Variants in CADM1 observed in about 807,000 individuals in gnomAD.
CADM1 encodes the protein cell adhesion molecule 1.
In CADM1, 15 loss-of-function variants were observed where a neutral mutation model predicts 53.1. The observed-to-expected ratio is 0.28, with a 90% CI of 0.19 to 0.44. CADM1 has a LOEUF of 0.44. Ranked by LOEUF, CADM1 falls within the 20% of genes least tolerant of loss-of-function variation. The pLI is 1.00. For synonymous variants in CADM1, 281 were observed against 243.0 expected, an observed-to-expected ratio of 1.16 and a Z score of -1.45; for missense variants, 434 against 611.3, an observed-to-expected ratio of 0.71 and a Z score of 3.06.
chr11:115,319,516 T>G (rs1944766179), intron 1 of CADM1, among the ~76,000 whole-genome samples: 1 of 152,186 alleles, frequency 6.6e-6, no homozygotes, highest in Admixed American at 6.5e-5. Context: ...TTTGGTGATT[T>G]TGCAGGTAGA....
chr11:115,473,129 C>A (rs1949051788), intron 1 of CADM1, among the ~76,000 whole-genome samples: 1 of 152,194 alleles, frequency 6.6e-6, no homozygotes, highest in Non-Finnish European at 1.5e-5. Context: ...CTTAATTTGA[C>A]TAAGACTCCT....
chr11:115,300,762 T>G (rs759408770), intron 1 of CADM1, among the ~76,000 whole-genome samples: 1 of 152,116 alleles, frequency 6.6e-6, no homozygotes, highest in African/African-American at 2.4e-5. Flanking sequence ...CCTCATAGTT[T>G]CACCATGATC....
At chr11:115,221,350 A>G (rs1004146489) in intron 5 of CADM1, among the ~76,000 whole-genome samples, 2 of 152,224 alleles carry the variant, frequency 1.3e-5, no homozygotes, top group South Asian at 4.1e-4. Context: ...GACATTTAGC[A>G]AGACTGCTAT....
At chr11:115,428,767 C>T (rs1057143149) in intron 1 of CADM1, among the ~76,000 whole-genome samples, 2 of 74,754 alleles carry the variant, frequency 2.7e-5, no homozygotes, top group South Asian at 1.0e-3. Context: ...AAAAAACTAG[C>T]AGTGTGTGTG....
intron 8 of CADM1, among the ~76,000 whole-genome samples, chr11:115,199,305 C>T (rs576409507): frequency 6.6e-6 from 1 of 152,342 alleles, no homozygotes; most frequent in Non-Finnish European, 1.5e-5. Context: ...TTCTGAGGGG[C>T]TGGGAGTCCT....
intron 1 of CADM1, among the ~76,000 whole-genome samples, chr11:115,383,954 A>G (rs1424755811): frequency 7.1e-6 from 1 of 141,834 alleles, no homozygotes; most frequent in African/African-American, 2.7e-5. Flanking sequence ...GAGCTCCTGG[A>G]AAAAAAAAAA....
At chr11:115,297,379 G>A (rs116608101) in intron 1 of CADM1, among the ~76,000 whole-genome samples, 4 of 152,158 alleles carry the variant, frequency 2.6e-5, no homozygotes, top group African/African-American at 9.7e-5. Flanking sequence ...TATAAAAAAG[G>A]CTTCTTTGAT....
intron 1 of CADM1, among the ~76,000 whole-genome samples, chr11:115,310,458 C>T (rs1225633655): frequency 6.6e-6 from 1 of 152,064 alleles, no homozygotes; most frequent in East Asian, 1.9e-4. Flanking sequence ...CAACTCTGTA[C>T]CTCTCAAACC....
At chr11:115,372,863 G>C (rs1375854652) in intron 1 of CADM1, among the ~76,000 whole-genome samples, 1 of 152,156 alleles carries the variant, frequency 6.6e-6, no homozygotes, top group Non-Finnish European at 1.5e-5. Context: ...GATGAAAGAA[G>C]GCATAACCTA....
chr11:115,311,061 A>G (rs1944519785), intron 1 of CADM1, among the ~76,000 whole-genome samples: 2 of 152,164 alleles, frequency 1.3e-5, no homozygotes, highest in Admixed American at 6.5e-5. Flanking sequence ...TATCCCTACA[A>G]AGAGAGAGAA....
intron 4 of CADM1, among the ~76,000 whole-genome samples, chr11:115,230,578 G>T (rs777787725): frequency 6.6e-6 from 1 of 152,166 alleles, no homozygotes; most frequent in East Asian, 1.9e-4. Flanking sequence ...GTCAAATAGG[G>T]TATAGGCTGT....
chr11:115,324,847 G>A (rs986085991), intron 1 of CADM1, among the ~76,000 whole-genome samples: 1 of 152,098 alleles, frequency 6.6e-6, no homozygotes, highest in South Asian at 2.1e-4. Flanking sequence ...AAGCGCTGAA[G>A]AATTTGCTTG....
intron 1 of CADM1, among the ~76,000 whole-genome samples, chr11:115,419,791 G>A (rs1359427771): frequency 6.6e-6 from 1 of 152,130 alleles, no homozygotes; most frequent in African/African-American, 2.4e-5. Flanking sequence ...GCTAAAATCA[G>A]GAAGTGGCTG....
At chr11:115,179,830 T>C (rs2134590550) in intron 10 of CADM1, among the ~76,000 whole-genome samples, 1 of 152,348 alleles carries the variant, frequency 6.6e-6, no homozygotes, top group South Asian at 2.1e-4. Context: ...CTTTTAACTT[T>C]ACATGATTTG....
intron 1 of CADM1, among the ~76,000 whole-genome samples, chr11:115,437,967 T>C (rs893867303): frequency 6.6e-6 from 1 of 152,166 alleles, no homozygotes; most frequent in African/African-American, 2.4e-5. Flanking sequence ...AGGCTCCACA[T>C]GAAAGAAAAC....
intron 1 of CADM1, among the ~76,000 whole-genome samples, chr11:115,289,430 C>T (rs1190313659): frequency 6.6e-6 from 1 of 151,796 alleles, no homozygotes; most frequent in Non-Finnish European, 1.5e-5. Context: ...TAATTGTCTA[C>T]CTTTAAGAAT....
chr11:115,421,159 GT>G (rs1378940515), intron 1 of CADM1, among the ~76,000 whole-genome samples: 1 of 152,154 alleles, frequency 6.6e-6, no homozygotes, highest in Non-Finnish European at 1.5e-5. Context: ...AGAACAAAGG[GT>G]TTGAAGACCA....
intron 1 of CADM1, among the ~76,000 whole-genome samples, chr11:115,369,520 AAT>A (rs1366238189): frequency 2.6e-5 from 4 of 152,190 alleles, no homozygotes; most frequent in Non-Finnish European, 5.9e-5. Flanking sequence ...CGGGAAGAAA[AAT>A]ATCTCTCAGA....
intron 1 of CADM1, among the ~76,000 whole-genome samples, chr11:115,312,145 T>C (rs1304898485): frequency 6.6e-6 from 1 of 152,066 alleles, no homozygotes; most frequent in African/African-American, 2.4e-5. Context: ...GTGACAGCCA[T>C]AGGAGCTGCT....
Sources: allele counts gnomAD v4.1 joint callset (sites outside exome capture counted in the v4.1 genomes callset), GRCh38; gene constraint gnomAD v4.1.1; transcripts MANE v1.5; gene names NCBI Gene and HGNC (gene_info 2026-07-23, HGNC 2026-07-21).